Variants in ELP1 observed in about 807,000 individuals in gnomAD.
ELP1 encodes the protein elongator acetyltransferase complex subunit 1.
A neutral mutation model predicts 183.2 loss-of-function variants in ELP1; 131 were observed. That is an observed-to-expected ratio of 0.72 (90% CI 0.62 to 0.83). The LOEUF (loss-of-function observed/expected upper bound fraction) is 0.83. Ranked by LOEUF, ELP1 falls within the 40% of genes least tolerant of loss-of-function variation. The pLI, the probability that ELP1 is intolerant of heterozygous loss-of-function variation, is 0.00. For synonymous variants in ELP1, 555 were observed against 569.0 expected, an observed-to-expected ratio of 0.98 and a Z score of 0.35; for missense variants, 1,550 against 1,594.9, an observed-to-expected ratio of 0.97 and a Z score of 0.48.
chr9:108,918,583 A>G (rs1463192815), intron 8 of ELP1, among the ~76,000 whole-genome samples: 1 of 152,184 alleles, frequency 6.6e-6, no homozygotes, highest in Non-Finnish European at 1.5e-5. Flanking sequence ...GCCTTGGAAC[A>G]ATGAAATCTG....
intron 2 of ELP1, 130 bp from the exon 3 acceptor site, chr9:108,930,051 A>G: frequency 4.7e-6 from 5 of 1,064,104 alleles, no homozygotes; most frequent in Non-Finnish European, 5.5e-6. Context: ...TTCTAGATGA[A>G]AATCCAAACT....
intron 20 of ELP1, among the ~76,000 whole-genome samples, chr9:108,899,223 C>T (rs904952156): frequency 1.3e-5 from 2 of 151,904 alleles, no homozygotes; most frequent in African/African-American, 2.4e-5. Flanking sequence ...TTGCTTGAAC[C>T]CAGAAGGCAG....
In ELP1 at chr9:108,868,356, T is replaced by C; in HGVS notation, c.*759A>G. The C allele has an allele frequency of 5.4e-6, 1 of 184,060 alleles. No individual in the cohort carries two copies. The allele number at this position is 184,060 out of a possible 1,614,324, so 11.4% of individuals were successfully genotyped here. A position where few individuals can be genotyped will look rare whatever the true frequency, so the allele number is the denominator to read the frequency against. On this transcript the variant is annotated 3_prime_UTR_variant, in exon 37 of 37. Coordinates refer to ENST00000374647, the MANE Select transcript of ELP1 (RefSeq NM_003640.5). Reference sequence around the variant, plus strand: ...AGTGGCCTAGACACTAACAAAAATATCTGAGTTAAAGAAACAGTATTTGGA... The same window carrying C: ...AGTGGCCTAGACACTAACAAAAATACCTGAGTTAAAGAAACAGTATTTGGA...
intron 6 of ELP1, among the ~76,000 whole-genome samples, chr9:108,921,092 A>AACCTTAATACAAGGTT: frequency 1.3e-5 from 2 of 152,330 alleles, no homozygotes; most frequent in East Asian, 3.9e-4. Flanking sequence ...CATTTGAAGT[A>AACCTTAATACAAGGTT]CACAATTCAA....
chr9:108,889,377 C>G lies in ELP1; in HGVS notation c.3177G>C (p.Gln1059His). Residue 1059 changes from glutamine to histidine, a missense_variant, in exon 29 of 37, where the codon CAG (glutamine) becomes CAC (histidine). Physicochemically the swap from Gln to His is conservative, Grantham distance 24. Coordinates refer to ENST00000374647, the MANE Select transcript of ELP1 (RefSeq NM_003640.5). ...CCATGGCCGCATCAATGTGCTTCCT[C>G]TGCTCAACCAGCTTTCCTGTAGAGA... ...GRTLAGKLVEQRKHIDAAMVL... is the reference protein window; with the variant it reads ...GRTLAGKLVEHRKHIDAAMVL... The G allele has an allele frequency of 3.7e-6, 6 of 1,614,136 alleles. No individual in the cohort carries two copies. Among genetic ancestry groups the G allele is most frequent in the Non-Finnish European group, 5.1e-6 (6 of 1,179,980 alleles).
At chr9:108,906,664 A>C (rs1422706069) in intron 13 of ELP1, among the ~76,000 whole-genome samples, 179 bp from the exon 14 acceptor site, 2 of 152,218 alleles carry the variant, frequency 1.3e-5, no homozygotes, top group African/African-American at 4.8e-5. Context: ...TGTCTGGCTT[A>C]AGAATACGTT....
Position 108,906,193 on chromosome 9 carries a change from C to T in ELP1, c.1643+110G>A, listed in dbSNP as rs921340278. On this transcript the variant is annotated intron_variant, in intron 14 of 36. Coordinates refer to ENST00000374647, the MANE Select transcript of ELP1 (RefSeq NM_003640.5). ...TTGTTAAGTGTGTCTAACAAGAAAG[C>T]TACTGCTCCTCAACCTTGATCAATA... The T allele has an allele frequency of 2.9e-6, 3 of 1,032,066 alleles. No individual in the cohort carries two copies. In the Admixed American group the frequency reaches 5.5e-5, roughly 19 times the overall value. 63.9% of individuals were successfully genotyped at this position (1,032,066 alleles called of 1,614,324 possible). A position where few individuals can be genotyped will look rare whatever the true frequency, so the allele number is the denominator to read the frequency against.
chr9:108,896,594 AT>A lies in ELP1; in HGVS notation c.2637del (p.Lys879AsnfsTer7). On this transcript the variant is annotated frameshift_variant, in exon 25 of 37. Transcript: ENST00000374647. LOFTEE classifies it high-confidence loss of function. ...TTAACATCTACCAGATGCAGCAAAT[AT>A]TTCAAGGCCTCTTCAGCACTCACAG... ...PDAVSAEEAL[K>X]YLLHLVDVNE... 6.2e-7 allele frequency: 1 copy of A among 1,613,960 alleles called. No individual in the cohort carries two copies. The highest frequency in any genetic ancestry group is 8.5e-7 in the Non-Finnish European group (1 of 1,179,812).
At chr9:108,897,407 T>A in intron 22 of ELP1, 122 bp from the exon 23 acceptor site, 1 of 1,012,698 alleles carries the variant, frequency 9.9e-7, no homozygotes, top group Non-Finnish European at 1.5e-6. Context: ...AAGAGTTGAA[T>A]TATAAAAATA....
At chr9:108,891,551 A>AT (rs1439589810) in intron 27 of ELP1, 147 bp from the exon 28 acceptor site, 11 of 734,922 alleles carry the variant, frequency 1.5e-5, no homozygotes, top group Middle Eastern at 3.7e-4. Flanking sequence ...TAGTACAGTC[A>AT]TTTTTTCATT....
At chr9:108,888,916 T>C (rs1314190795) in intron 29 of ELP1, among the ~76,000 whole-genome samples, 5 of 152,212 alleles carry the variant, frequency 3.3e-5, no homozygotes, top group Non-Finnish European at 7.3e-5. Context: ...TAATCTGCTG[T>C]ACCTCCAGGT....
intron 6 of ELP1, 61 bp downstream of exon 6, chr9:108,922,780 TG>T: frequency 1.6e-6 from 2 of 1,256,876 alleles, no homozygotes; most frequent in African/African-American, 1.5e-5. Flanking sequence ...AAAGAGTTCC[TG>T]GTGGGTGGCA....
Position 108,896,535 on chromosome 9 carries a change from G to A in ELP1, c.2697C>T (p.Asp899=). ...CAGCTACCATGAGGACCAAATCAAA[G>A]TCATAGGTGCCAAGAGAATGATCAT... ...ELYDHSLGTY[D]FDLVLMVAEK... The change falls in exon 25 of 37, where the codon GAC becomes GAT. Residue 899 remains aspartate, a synonymous_variant. Coordinates refer to ENST00000374647, the MANE Select transcript of ELP1 (RefSeq NM_003640.5). 1 of 1,614,126 alleles carries A rather than the reference G, an allele frequency of 6.2e-7. No individual in the cohort carries two copies. The highest frequency in any genetic ancestry group is 1.3e-5 in the African/African-American group (1 of 75,040).
chr9:108,932,750 C>T (rs929428707), intron 1 of ELP1, among the ~76,000 whole-genome samples: 13 of 152,194 alleles, frequency 8.5e-5, no homozygotes, highest in African/African-American at 2.9e-4. Context: ...CTTCCCTCCA[C>T]TTCTTTCCAG....
rs747841640 is a variant in ELP1 at position 108,903,545 on chromosome 9, T to C, written c.1750+18A>G. ...CTATGTAAGTCATAACATGCTTTCCTAACACCTTGATACTCACCCCAAAGG... is the reference window on the plus strand; with the variant it reads ...CTATGTAAGTCATAACATGCTTTCCCAACACCTTGATACTCACCCCAAAGG... On this transcript the variant is annotated intron_variant, in intron 15 of 36. Transcript: ENST00000374647. The C allele has an allele frequency of 6.6e-7, 1 of 1,516,074 alleles. No individual in the cohort carries two copies. Among genetic ancestry groups the C allele is most frequent in the South Asian group, 1.1e-5 (1 of 89,154 alleles). 93.9% of individuals were successfully genotyped at this position (1,516,074 alleles called of 1,614,324 possible).
intron 25 of ELP1, 99 bp downstream of exon 25, chr9:108,896,396 GA>G: frequency 9.3e-7 from 1 of 1,072,472 alleles, no homozygotes; most frequent in South Asian, 1.3e-5. Flanking sequence ...TGCACTCACA[GA>G]GTGATAGCAG....
intron 14 of ELP1, among the ~76,000 whole-genome samples, chr9:108,905,643 G>A (rs771729213): frequency 1.3e-5 from 2 of 152,042 alleles, no homozygotes; most frequent in Non-Finnish European, 2.9e-5. Context: ...TTAACGATGG[G>A]GATACGTCTG....
In ELP1 at chr9:108,893,701, T is replaced by C. The variant is rs141502202; in HGVS notation, c.2860+242A>G. On this transcript the variant is annotated intron_variant, in intron 26 of 36. Transcript: ENST00000374647. Reference sequence around the variant, plus strand: ...CTGAAGTTAACTTCACAGGTGCTCATTCTTAACCAAAAAAGGATCTACTTG... The same window carrying C: ...CTGAAGTTAACTTCACAGGTGCTCACTCTTAACCAAAAAAGGATCTACTTG... Among the ~76,000 whole-genome samples, 388 of 152,328 alleles carry C rather than the reference T, an allele frequency of 2.5e-3. 2 individuals carry two copies. The highest frequency in any genetic ancestry group is 8.6e-3 in the African/African-American group (357 of 41,572).
chr9:108,909,554 A>T (rs758311773), intron 12 of ELP1, among the ~76,000 whole-genome samples: 53 of 152,034 alleles, frequency 3.5e-4, no homozygotes, highest in Non-Finnish European at 8.8e-5. Context: ...CTTTTTCCAG[A>T]TTCTCTTATA....
Sources: gnomAD v4.1 joint callset for allele counts (sites outside exome capture counted in the v4.1 genomes callset) on GRCh38, gnomAD v4.1.1 for gene constraint, MANE v1.5 for transcripts, NCBI Gene and HGNC (gene_info 2026-07-23, HGNC 2026-07-21) for gene names.